Variants in SGCZ observed in about 807,000 individuals in gnomAD.
SGCZ encodes sarcoglycan zeta.
Under a neutral mutation model 41.3 loss-of-function variants are expected in SGCZ, and 40 were observed. The ratio of observed to expected loss-of-function variants is 0.97; its 90% CI spans 0.75 to 1.26. SGCZ has a LOEUF of 1.26. SGCZ is among the 50% of genes most tolerant of loss of function. SGCZ has a pLI of 0.00. For missense variants in SGCZ, 552 were observed against 369.8 expected, an observed-to-expected ratio of 1.49 and a Z score of -4.04; for synonymous variants, 206 against 137.5, an observed-to-expected ratio of 1.50 and a Z score of -3.49.
At chr8:14,251,506 A>G (rs1024019171) in intron 3 of SGCZ, among the ~76,000 whole-genome samples, 1 of 152,174 alleles carries the variant, frequency 6.6e-6, no homozygotes, top group Non-Finnish European at 1.5e-5. Flanking sequence ...ATTATACCAA[A>G]GTATTATATT....
intron 4 of SGCZ, among the ~76,000 whole-genome samples, chr8:14,177,093 G>C (rs543889848): frequency 8.5e-5 from 13 of 152,284 alleles, no homozygotes; most frequent in African/African-American, 2.9e-4. Flanking sequence ...AGGAGCATCT[G>C]TGGGGGAAAT....
At chr8:14,550,681 A>T (rs1210912284) in intron 2 of SGCZ, among the ~76,000 whole-genome samples, 1 of 151,924 alleles carries the variant, frequency 6.6e-6, no homozygotes, top group African/African-American at 2.4e-5. Flanking sequence ...ATGAGGTCTT[A>T]ACCAGCAATA....
intron 5 of SGCZ, among the ~76,000 whole-genome samples, chr8:14,113,970 G>T (rs1194275998): frequency 6.6e-6 from 1 of 151,992 alleles, no homozygotes; most frequent in East Asian, 1.9e-4. Flanking sequence ...TATAGTATCT[G>T]TGAAACATTT....
intron 2 of SGCZ, among the ~76,000 whole-genome samples, chr8:14,525,791 A>C (rs1160496058): frequency 6.6e-6 from 1 of 152,162 alleles, no homozygotes; most frequent in African/African-American, 2.4e-5. Context: ...AGCAGGTTGT[A>C]GGAGCTAGCC....
At position 14,360,533 on chromosome 8, in the gene SGCZ, C is replaced by A. The variant is rs1008845287; in HGVS notation, c.235-36329G>T. On this transcript the variant is annotated intron_variant, in intron 2 of 7. Coordinates refer to ENST00000382080, the MANE Select transcript of SGCZ (RefSeq NM_139167.4). ...TAGAGTCAGGGTTTTACCATGTTGG[C>A]CAGGCTGGTCTCGAACTCCTGACTT... Among the ~76,000 whole-genome samples, 16 of 152,150 alleles carry A rather than the reference C, an allele frequency of 1.1e-4. No homozygotes were observed. In the East Asian group the frequency reaches 2.3e-3, roughly 22 times the overall value.
chr8:14,407,866 G>T (rs191554173), intron 2 of SGCZ, among the ~76,000 whole-genome samples: 78 of 152,258 alleles, frequency 5.1e-4, no homozygotes, highest in Middle Eastern at 3.4e-3. Context: ...ACACTTGAAA[G>T]AAGTGATTGA....
chr8:15,032,233 T>C (rs1200274901), intron 1 of SGCZ, among the ~76,000 whole-genome samples: 1 of 151,994 alleles, frequency 6.6e-6, no homozygotes, highest in African/African-American at 2.4e-5. Flanking sequence ...AAAAATGTCT[T>C]TGCAAAAGCT....
intron 1 of SGCZ, among the ~76,000 whole-genome samples, chr8:14,622,298 T>C (rs575928495): frequency 6.6e-6 from 1 of 152,254 alleles, no homozygotes; most frequent in African/African-American, 2.4e-5. Context: ...TACTGAGAAC[T>C]GATCATTAGA....
chr8:15,071,542 T>C lies in SGCZ; in HGVS notation c.39+166043A>G, dbSNP rs192753454. On this transcript the variant is annotated intron_variant, in intron 1 of 7. Coordinates refer to ENST00000382080, the MANE Select transcript of SGCZ (RefSeq NM_139167.4). The stretch of plus-strand genomic sequence containing the variant: ...TGCCAATAAGGATCAAATAAAACAT[T>C]AGAAATATTCTTTACCCTAGTCTGA... Among the ~76,000 whole-genome samples the C allele has an allele frequency of 7.2e-5, 11 of 152,314 alleles. No individual in the cohort carries two copies. In the East Asian group the frequency reaches 2.1e-3, roughly 29 times the overall value.
At chr8:15,003,993 G>A (rs561800367) in intron 1 of SGCZ, among the ~76,000 whole-genome samples, 2 of 152,246 alleles carry the variant, frequency 1.3e-5, no homozygotes, top group South Asian at 2.1e-4. Flanking sequence ...ATGAGCAGGA[G>A]GGGGGAAGCC....
chr8:14,251,655 A>T (rs1395431535), intron 3 of SGCZ, among the ~76,000 whole-genome samples: 4 of 152,252 alleles, frequency 2.6e-5, no homozygotes, highest in African/African-American at 9.6e-5. Flanking sequence ...TTATATAAAA[A>T]CATTGTTTTT....
At chr8:14,720,276 C>T (rs1045434515) in intron 1 of SGCZ, among the ~76,000 whole-genome samples, 3 of 140,644 alleles carry the variant, frequency 2.1e-5, no homozygotes, top group African/African-American at 7.4e-5. Context: ...CTGAAAAATT[C>T]ACAGTTTGCT....
chr8:14,852,438 A>T (rs1803363107), intron 1 of SGCZ, among the ~76,000 whole-genome samples: 1 of 152,228 alleles, frequency 6.6e-6, no homozygotes, highest in Non-Finnish European at 1.5e-5. Context: ...ACTGTAACTC[A>T]AGAAAGGAAG....
At chr8:14,605,843 T>C (rs1433386919) in intron 1 of SGCZ, among the ~76,000 whole-genome samples, 32 of 152,184 alleles carry the variant, frequency 2.1e-4, no homozygotes, top group Non-Finnish European at 7.3e-5. Context: ...AAGGAATAAC[T>C]GAACAGATGA....
intron 4 of SGCZ, among the ~76,000 whole-genome samples, chr8:14,222,238 T>G (rs13248384): frequency 0.073 from 11,028 of 151,882 alleles, 517 homozygotes; most frequent in African/African-American, 0.12. Flanking sequence ...TGGCGCAATC[T>G]CCATTCACTG....
intron 1 of SGCZ, among the ~76,000 whole-genome samples, chr8:15,198,407 G>A (rs931927642): frequency 1.3e-5 from 2 of 151,436 alleles, no homozygotes; most frequent in African/African-American, 4.9e-5. Context: ...GGGCCTTTAG[G>A]GTATCTTTAT....
intron 1 of SGCZ, among the ~76,000 whole-genome samples, chr8:14,624,698 G>A (rs1217574697): frequency 6.7e-6 from 1 of 150,100 alleles, no homozygotes; most frequent in African/African-American, 2.5e-5. Flanking sequence ...AGCCTCCCAA[G>A]TAACTGGCAC....
intron 1 of SGCZ, among the ~76,000 whole-genome samples, chr8:15,140,391 T>G (rs1808276419): frequency 6.6e-6 from 1 of 152,172 alleles, no homozygotes; most frequent in Non-Finnish European, 1.5e-5. Context: ...CCACTCACCC[T>G]TCTTGGGCTT....
chr8:14,252,295 T>A (rs1163376879), intron 3 of SGCZ, among the ~76,000 whole-genome samples: 1 of 152,134 alleles, frequency 6.6e-6, no homozygotes, highest in Admixed American at 6.6e-5. Context: ...ATGAATATAT[T>A]TTTGTCATGT....
Sources: allele counts gnomAD v4.1 joint callset (sites outside exome capture counted in the v4.1 genomes callset), GRCh38; gene constraint gnomAD v4.1.1; transcripts MANE v1.5; gene names NCBI Gene and HGNC (gene_info 2026-07-23, HGNC 2026-07-21).